The following GRIA2 variants were observed in gnomAD, a reference collection of about 807,000 sequenced individuals.
The protein encoded by GRIA2 is glutamate receptor 2.
Under a neutral mutation model 97.3 loss-of-function variants are expected in GRIA2, and 14 were observed. That is an observed-to-expected ratio of 0.14 (90% CI 0.10 to 0.23). The LOEUF (loss-of-function observed/expected upper bound fraction) is 0.23, where lower values mean the gene tolerates loss of function less well. Among genes scored for constraint, GRIA2 ranks in the 10% least tolerant of loss-of-function variants. GRIA2 has a pLI of 1.00. For synonymous variants in GRIA2, 412 were observed against 387.8 expected (o/e 1.06, Z -0.73); for missense variants, 558 against 1,069.8 (o/e 0.52, Z 6.67).
intron 6 of GRIA2, among the ~76,000 whole-genome samples, chr4:157,330,050 G>T (rs949111750): frequency 6.6e-6 from 1 of 151,848 alleles, no homozygotes; most frequent in African/African-American, 2.4e-5. Flanking sequence ...TAGACTTACT[G>T]GGAAACTGTC....
chr4:157,251,909 C>T (rs1314083994), intron 2 of GRIA2, among the ~76,000 whole-genome samples: 1 of 151,992 alleles, frequency 6.6e-6, no homozygotes, highest in Non-Finnish European at 1.5e-5. Context: ...ATTCTTGAGA[C>T]CCTATACGGG....
chr4:157,227,007 T>G (rs752577891), intron 2 of GRIA2, among the ~76,000 whole-genome samples: 12 of 152,160 alleles, frequency 7.9e-5, no homozygotes, highest in Non-Finnish European at 1.6e-4. Flanking sequence ...ACTGAAGAAT[T>G]TCAAGAAAAT....
At chr4:157,348,698 T>A (rs552602989) in intron 12 of GRIA2, among the ~76,000 whole-genome samples, 1 of 152,174 alleles carries the variant, frequency 6.6e-6, no homozygotes, top group Admixed American at 6.6e-5. Flanking sequence ...ATAGTATCTC[T>A]CTCAGATTTT....
At position 157,321,432 on chromosome 4, in the gene GRIA2, G is replaced by GT; in HGVS notation, c.721-3dup. 6.2e-7 allele frequency: 1 copy of GT among 1,601,046 alleles called. No individual in the cohort carries two copies. The highest frequency in any genetic ancestry group is 8.5e-7 in the Non-Finnish European group (1 of 1,172,000). Reference sequence around the variant, plus strand: ...AAAGCGTGATATCAATGTGTTCTATGTTTAGGGATTTACTGATGGAGACCT... The same window carrying GT: ...AAAGCGTGATATCAATGTGTTCTATGTTTTAGGGATTTACTGATGGAGACCT... On this transcript the variant is annotated splice_polypyrimidine_tract_variant and splice_region_variant and intron_variant, in intron 5 of 15. Coordinates refer to ENST00000264426, the MANE Select transcript of GRIA2 (RefSeq NM_001083619.3).
Position 157,310,703 on chromosome 4 carries a change from G to A in GRIA2, c.470-1976G>A, listed in dbSNP as rs982783720. Among the ~76,000 whole-genome samples the A allele has an allele frequency of 1.2e-4, 18 of 151,932 alleles. No homozygotes were observed. The East Asian group carries it at 1.5e-3, about 13-fold the overall frequency. ...AATATTATTCTTTTTTCCACTGTTT[G>A]AAGCAAAATAAAAATGAGATCCATA... On this transcript the variant is annotated intron_variant, in intron 3 of 15. Coordinates refer to ENST00000264426, the MANE Select transcript of GRIA2 (RefSeq NM_001083619.3).
intron 2 of GRIA2, among the ~76,000 whole-genome samples, chr4:157,222,989 G>T (rs1048829732): frequency 6.6e-6 from 1 of 152,114 alleles, no homozygotes; most frequent in Non-Finnish European, 1.5e-5. Flanking sequence ...CCTAATATTC[G>T]CAGTCGTTAT....
intron 4 of GRIA2, among the ~76,000 whole-genome samples, chr4:157,313,386 G>A (rs1003377026): frequency 1.3e-5 from 2 of 151,980 alleles, no homozygotes; most frequent in Admixed American, 6.6e-5. Flanking sequence ...ACATTGATTT[G>A]TGAAATTAAA....
intron 2 of GRIA2, among the ~76,000 whole-genome samples, chr4:157,275,376 G>T (rs968708497): frequency 1.3e-5 from 2 of 152,160 alleles, no homozygotes; most frequent in Non-Finnish European, 2.9e-5. Context: ...AGTTTAATTA[G>T]ATCCCATTTG....
Position 157,364,933 on chromosome 4 carries a change from A to G in GRIA2, c.*1502A>G, listed in dbSNP as rs1736818025. ...CTAAAGAGCCTATATTTATCTAGTT[A>G]ATGAATTTAAAGGATCTATCTTTCC... On this transcript the variant is annotated 3_prime_UTR_variant, in exon 16 of 16. Coordinates refer to ENST00000264426, the MANE Select transcript of GRIA2 (RefSeq NM_001083619.3). 1 of 151,590 alleles carries G rather than the reference A, an allele frequency of 6.6e-6. No homozygotes were observed. The highest frequency in any genetic ancestry group is 1.5e-5 in the Non-Finnish European group (1 of 67,684). 9.4% of individuals were successfully genotyped at this position (151,590 alleles called of 1,614,324 possible). A position where few individuals can be genotyped will look rare whatever the true frequency, so the allele number is the denominator to read the frequency against.
intron 12 of GRIA2, among the ~76,000 whole-genome samples, chr4:157,350,973 T>C (rs554132985): frequency 6.7e-6 from 1 of 149,672 alleles, no homozygotes; most frequent in Admixed American, 6.7e-5. Flanking sequence ...TCTCATAACA[T>C]TGAAATACTG....
At chr4:157,313,215 C>A (rs932190568) in intron 4 of GRIA2, among the ~76,000 whole-genome samples, 2 of 151,912 alleles carry the variant, frequency 1.3e-5, no homozygotes, top group Non-Finnish European at 2.9e-5. Context: ...AAGAAATAGA[C>A]ATGTATTAAC....
At chr4:157,249,267 T>C (rs1463147511) in intron 2 of GRIA2, among the ~76,000 whole-genome samples, 1 of 152,166 alleles carries the variant, frequency 6.6e-6, no homozygotes, top group Non-Finnish European at 1.5e-5. Context: ...GTGTACTTCA[T>C]AATTTGAATA....
chr4:157,336,751 G>C lies in GRIA2; in HGVS notation c.1844+4G>C. 6.2e-7 allele frequency: 1 copy of C among 1,607,546 alleles called. No individual in the cohort carries two copies. The highest frequency in any genetic ancestry group is 8.5e-7 in the Non-Finnish European group (1 of 1,176,492). On this transcript the variant is annotated splice_donor_region_variant and intron_variant, in intron 11 of 15. Transcript: ENST00000264426. The stretch of plus-strand genomic sequence containing the variant: ...AAGGATGCGATATTTCGCCAAGGTT[G>C]GTTACTCACCTGCTTCAACTTTGTG...
chr4:157,339,589 G>T (rs935198040), intron 11 of GRIA2, among the ~76,000 whole-genome samples: 2 of 151,798 alleles, frequency 1.3e-5, no homozygotes, highest in Admixed American at 1.3e-4. Context: ...CTGGAATAGA[G>T]GACAACTTAC....
rs564886207 is a variant in GRIA2, at chr4:157,359,837, T to C, written c.2044-59T>C. ...AAAAGTAATACCTCTTTTTGTGTTT[T>C]GTGAGTAATTTTTTAGGGCCATCTC... On this transcript the variant is annotated intron_variant, in intron 12 of 15. Transcript: ENST00000264426. The C allele has an allele frequency of 1.2e-4, 179 of 1,495,708 alleles. No homozygotes were observed. The Middle Eastern group carries it at 2.6e-3, about 22-fold the overall frequency. 92.7% of individuals were successfully genotyped at this position (1,495,708 alleles called of 1,614,324 possible). A position where few individuals can be genotyped will look rare whatever the true frequency, so the allele number is the denominator to read the frequency against.
At chr4:157,250,363 T>C (rs1035442489) in intron 2 of GRIA2, among the ~76,000 whole-genome samples, 4 of 152,140 alleles carry the variant, frequency 2.6e-5, no homozygotes, top group Non-Finnish European at 4.4e-5. Context: ...TGGGCTGTTT[T>C]CTATCTTATC....
Position 157,227,030 on chromosome 4 carries a change from A to G in GRIA2, c.229+5223A>G, listed in dbSNP as rs563591674. 4.6e-5 allele frequency among the ~76,000 whole-genome samples: 7 copies of G among 152,314 alleles called. No individual in the cohort carries two copies. In the South Asian group the frequency reaches 1.5e-3, roughly 32 times the overall value. ...ATTTCAAGAAAATGAGTGCGTATTA[A>G]GTAGAAATCAAAGAATGGCATTGGT... is the stretch of plus-strand genomic sequence containing the variant. On this transcript the variant is annotated intron_variant, in intron 2 of 15. Coordinates refer to ENST00000264426, the MANE Select transcript of GRIA2 (RefSeq NM_001083619.3).
chr4:157,278,310 A>AATAGACTC (rs982227810), intron 2 of GRIA2, among the ~76,000 whole-genome samples: 17 of 151,972 alleles, frequency 1.1e-4, no homozygotes, highest in African/African-American at 4.1e-4. Context: ...AGAGCCCAGC[A>AATAGACTC]ATAGACTCAT....
chr4:157,310,462 C>A (rs1378936441), intron 3 of GRIA2, among the ~76,000 whole-genome samples: 1 of 151,838 alleles, frequency 6.6e-6, no homozygotes, highest in African/African-American at 2.4e-5. Context: ...TATAAAGATT[C>A]CCAAACACTC....
Sources: gnomAD v4.1 joint callset for allele counts (sites outside exome capture counted in the v4.1 genomes callset) on GRCh38, gnomAD v4.1.1 for gene constraint, MANE v1.5 for transcripts, NCBI Gene and HGNC (gene_info 2026-07-23, HGNC 2026-07-21) for gene names.